PHKA1: variants seen among roughly 807,000 people sequenced by gnomAD.
The protein encoded by PHKA1 is phosphorylase kinase regulatory subunit alpha 1.
In PHKA1, 60 loss-of-function variants were observed where a neutral mutation model predicts 110.2. That is an observed-to-expected ratio of 0.54 (90% CI 0.44 to 0.68). The LOEUF (loss-of-function observed/expected upper bound fraction) is 0.68, where lower values mean the gene tolerates loss of function less well. Among genes scored for constraint, PHKA1 ranks in the 30% least tolerant of loss-of-function variants. PHKA1 has a pLI of 0.00. For synonymous variants in PHKA1, 316 were observed against 333.6 expected, an observed-to-expected ratio of 0.95 and a Z score of 0.58; for missense variants, 801 against 942.5, an observed-to-expected ratio of 0.85 and a Z score of 1.97.
intron 8 of PHKA1, chrX:72,660,844 A>G (rs2053551093): frequency 4.9e-6 from 1 of 204,121 alleles, no homozygotes; most frequent in Admixed American, 6.2e-5. Context: ...TTTGGTGGAG[A>G]AATAATGTCT....
chrX:72,688,563 CCTT>C (rs2053995990), intron 4 of PHKA1, among the ~76,000 whole-genome samples: 1 of 112,257 alleles, frequency 8.9e-6, no homozygotes, highest in South Asian at 3.8e-4. Flanking sequence ...ATTTAAATGG[CCTT>C]CTTCTCTCCA....
intron 4 of PHKA1, among the ~76,000 whole-genome samples, chrX:72,693,854 G>A (rs1556324544): frequency 9.0e-6 from 1 of 111,380 alleles, no homozygotes; most frequent in African/African-American, 3.3e-5. Flanking sequence ...ATGCTGAGGT[G>A]GGGTGGAGGG....
intron 28 of PHKA1, among the ~76,000 whole-genome samples, chrX:72,598,175 C>CA (rs1196483342): frequency 3.6e-5 from 4 of 109,983 alleles, no homozygotes; most frequent in East Asian, 5.7e-4. Context: ...AATAAAAAGA[C>CA]AAAAAAAATT....
At chrX:72,707,886 A>T (rs1473598315) in intron 2 of PHKA1, 2 of 111,101 alleles carry the variant, frequency 1.8e-5, no homozygotes, top group African/African-American at 6.6e-5. Flanking sequence ...TTTTAAATTT[A>T]AAAAAATGAA....
chrX:72,713,064 ACCT>A (rs1347353435), intron 1 of PHKA1, 127 bp from the exon 2 acceptor site: 2 of 666,819 alleles, frequency 3.0e-6, no homozygotes, highest in African/African-American at 4.4e-5. Context: ...GAGTTTTATA[ACCT>A]CCTCTTCTTC....
chrX:72,621,456 C>T (rs933872388), intron 18 of PHKA1, among the ~76,000 whole-genome samples: 8 of 111,644 alleles, frequency 7.2e-5, no homozygotes, highest in African/African-American at 2.6e-4. Context: ...TCCCCTTCTC[C>T]CATATACCTT....
chrX:72,627,811 CTTTTTTT>C (rs1160541868), intron 16 of PHKA1, among the ~76,000 whole-genome samples: 1 of 67,869 alleles, frequency 1.5e-5, no homozygotes, highest in African/African-American at 7.2e-5. Context: ...TTTTCCTACA[CTTTTTTT>C]TTTTTTTTTT....
At chrX:72,705,322 T>C in intron 2 of PHKA1, 77 bp from the exon 3 acceptor site, 1 of 734,497 alleles carries the variant, frequency 1.4e-6, no homozygotes, top group South Asian at 2.1e-5. Context: ...CTGCAGATGG[T>C]ACATGACCTT....
intron 16 of PHKA1, among the ~76,000 whole-genome samples, chrX:72,630,246 TGAAAAAGAAAAA>T (rs202064504): frequency 0.11 from 9,062 of 80,783 alleles, 472 homozygotes; most frequent in Non-Finnish European, 0.13. Context: ...AGAGAGACTC[TGAAAAAGAAAAA>T]GAAAAAGAAA....
intron 22 of PHKA1, 65 bp downstream of exon 22, chrX:72,610,963 A>G: frequency 1.1e-6 from 1 of 922,581 alleles, no homozygotes; most frequent in Non-Finnish European, 1.6e-6. Context: ...AAAAACAATT[A>G]TAGAAACCAA....
In PHKA1 at chrX:72,676,367, G is replaced by A. The variant is rs143755580; in HGVS notation, c.538-217C>T. ...CTTTAAATTCTACTGGGGCCTCCAA[G>A]CCATTGGAAGACTCCTCAACAGTTA... On this transcript the variant is annotated intron_variant, in intron 5 of 31. Coordinates refer to ENST00000373542, the MANE Select transcript of PHKA1 (RefSeq NM_002637.4). Among the ~76,000 whole-genome samples the A allele has an allele frequency of 0.012, 1,341 of 111,031 alleles. 25 individuals are homozygous for A. Among genetic ancestry groups the A allele is most frequent in the African/African-American group, 0.041 (1,262 of 30,503 alleles).
At chrX:72,628,469 CA>C (rs1296287798) in intron 16 of PHKA1, among the ~76,000 whole-genome samples, 5 of 107,557 alleles carry the variant, frequency 4.6e-5, no homozygotes, top group African/African-American at 1.0e-4. Context: ...ATTTCATTTT[CA>C]TGTTTCAAAA....
At chrX:72,707,859 A>G (rs1556333158) in intron 2 of PHKA1, 1 of 111,436 alleles carries the variant, frequency 9.0e-6, no homozygotes, top group Non-Finnish European at 1.9e-5. Flanking sequence ...GGCCTGGCAC[A>G]TGATGATTAC....
chrX:72,628,170 T>C (rs1472803849), intron 16 of PHKA1, among the ~76,000 whole-genome samples: 1 of 110,701 alleles, frequency 9.0e-6, no homozygotes, highest in Non-Finnish European at 1.9e-5. Flanking sequence ...ATCTTTTAAA[T>C]TTTTCTTAAT....
At chrX:72,616,041 A>G (rs2052891903) in intron 21 of PHKA1, among the ~76,000 whole-genome samples, 1 of 111,748 alleles carries the variant, frequency 8.9e-6, no homozygotes, top group Admixed American at 9.4e-5. Flanking sequence ...GGAAAGCAAA[A>G]GACAACAGAC....
At chrX:72,589,179 T>C (rs1312508782) in intron 29 of PHKA1, among the ~76,000 whole-genome samples, 1 of 111,896 alleles carries the variant, frequency 8.9e-6, no homozygotes, top group African/African-American at 3.3e-5. Context: ...AAATCCTCAG[T>C]AAAATACTGG....
intron 6 of PHKA1, among the ~76,000 whole-genome samples, chrX:72,670,357 T>C (rs1257103668): frequency 8.9e-6 from 1 of 111,989 alleles, no homozygotes; most frequent in Non-Finnish European, 1.9e-5. Context: ...TTTCTTTTGC[T>C]GTACAGAAGC....
At chrX:72,595,845 G>C (rs1216657345) in intron 28 of PHKA1, among the ~76,000 whole-genome samples, 1 of 111,649 alleles carries the variant, frequency 9.0e-6, no homozygotes, top group Admixed American at 9.5e-5. Context: ...CACTGTTGCT[G>C]GGAATGTAAA....
chrX:72,670,550 A>C (rs1301283192), intron 6 of PHKA1, among the ~76,000 whole-genome samples: 2 of 112,043 alleles, frequency 1.8e-5, no homozygotes, highest in African/African-American at 6.5e-5. Context: ...ATTCCAACCA[A>C]TAGAAAAAGA....
Sources: allele counts gnomAD v4.1 joint callset (sites outside exome capture counted in the v4.1 genomes callset), GRCh38; gene constraint gnomAD v4.1.1; transcripts MANE v1.5; gene names NCBI Gene and HGNC (gene_info 2026-07-23, HGNC 2026-07-21).